RHOJ: variants seen among roughly 807,000 people sequenced by gnomAD.
RHOJ encodes ras homolog family member J.
In RHOJ, 11 loss-of-function variants were observed where a neutral mutation model predicts 23.4. That is an observed-to-expected ratio of 0.47 (90% CI 0.30 to 0.78). RHOJ has a LOEUF of 0.78. RHOJ is among the 30% of genes least tolerant of loss of function. RHOJ has a pLI of 0.08. For synonymous variants in RHOJ, 102 were observed against 102.7 expected (o/e 0.99, Z 0.04); for missense variants, 254 against 273.4 (o/e 0.93, Z 0.50).
chr14:63,207,781 A>G (rs753233244), intron 1 of RHOJ, among the ~76,000 whole-genome samples: 9 of 152,234 alleles, frequency 5.9e-5, no homozygotes, highest in Non-Finnish European at 1.3e-4. Context: ...TCTGTGCCTC[A>G]GTTATCACAA....
chr14:63,266,755 T>C (rs1895374337), intron 1 of RHOJ, among the ~76,000 whole-genome samples: 1 of 152,250 alleles, frequency 6.6e-6, no homozygotes, highest in South Asian at 2.1e-4. Context: ...TTGATTTTTA[T>C]ATCCTGAACC....
chr14:63,239,430 A>C (rs375839790), intron 1 of RHOJ, among the ~76,000 whole-genome samples: 3 of 152,236 alleles, frequency 2.0e-5, no homozygotes, highest in Admixed American at 6.5e-5. Context: ...ATTTTAAAGT[A>C]GGAATTGAAA....
chr14:63,241,704 G>A (rs1170834656), intron 1 of RHOJ, among the ~76,000 whole-genome samples: 1 of 152,160 alleles, frequency 6.6e-6, no homozygotes, highest in East Asian at 1.9e-4. Flanking sequence ...TCAGCCTAAG[G>A]CCTGCAGGGT....
chr14:63,243,124 A>G (rs1457167867), intron 1 of RHOJ, among the ~76,000 whole-genome samples: 5 of 152,224 alleles, frequency 3.3e-5, no homozygotes, highest in African/African-American at 1.2e-4. Context: ...AAAGGGAAAA[A>G]AGTGATAAAA....
At chr14:63,280,879 C>T (rs1881875471) in intron 2 of RHOJ, 92 bp from the exon 3 acceptor site, 6 of 1,206,892 alleles carry the variant, frequency 5.0e-6, no homozygotes, top group Non-Finnish European at 6.9e-6. Context: ...TCCCAGTGCG[C>T]TGTAGTGGAC....
chr14:63,279,386 A>G (rs1881828116), intron 2 of RHOJ, among the ~76,000 whole-genome samples: 1 of 152,234 alleles, frequency 6.6e-6, no homozygotes, highest in Non-Finnish European at 1.5e-5. Context: ...GCGATATGTG[A>G]TGTATATATA....
At chr14:63,214,110 T>A (rs1894299174) in intron 1 of RHOJ, among the ~76,000 whole-genome samples, 1 of 152,198 alleles carries the variant, frequency 6.6e-6, no homozygotes, top group Non-Finnish European at 1.5e-5. Context: ...TCCCTATTTA[T>A]TCCACTACAT....
intron 1 of RHOJ, among the ~76,000 whole-genome samples, chr14:63,239,972 T>G (rs1234650644): frequency 6.6e-6 from 1 of 152,222 alleles, no homozygotes; most frequent in Non-Finnish European, 1.5e-5. Context: ...TCACTATTTC[T>G]AATCCTCAGG....
intron 1 of RHOJ, among the ~76,000 whole-genome samples, chr14:63,268,736 A>G (rs1416610348): frequency 6.6e-6 from 1 of 152,200 alleles, no homozygotes; most frequent in Admixed American, 6.5e-5. Context: ...GTGCCCTGAA[A>G]GGTGTCTCAA....
chr14:63,251,149 T>G (rs1895063723), intron 1 of RHOJ, among the ~76,000 whole-genome samples: 1 of 152,222 alleles, frequency 6.6e-6, no homozygotes, highest in Admixed American at 6.5e-5. Flanking sequence ...CAAGGGGTTA[T>G]TTGTACAGTA....
At chr14:63,236,377 G>T (rs1894789637) in intron 1 of RHOJ, among the ~76,000 whole-genome samples, 1 of 152,160 alleles carries the variant, frequency 6.6e-6, no homozygotes, top group Admixed American at 6.6e-5. Context: ...AAAAGAAAGA[G>T]GTTTAATGGA....
At chr14:63,252,359 C>T (rs1009201272) in intron 1 of RHOJ, among the ~76,000 whole-genome samples, 18 of 152,178 alleles carry the variant, frequency 1.2e-4, no homozygotes, top group African/African-American at 4.3e-4. Flanking sequence ...AATTAGAGGT[C>T]TGTGGATAAG....
intron 1 of RHOJ, among the ~76,000 whole-genome samples, chr14:63,227,414 G>A (rs184446985): frequency 6.6e-6 from 1 of 152,174 alleles, no homozygotes; most frequent in African/African-American, 2.4e-5. Flanking sequence ...AAAACAATGT[G>A]AACAAATGGT....
chr14:63,226,158 C>T (rs1035046619), intron 1 of RHOJ, among the ~76,000 whole-genome samples: 3 of 152,044 alleles, frequency 2.0e-5, no homozygotes, highest in Non-Finnish European at 4.4e-5. Context: ...AAAAAATCAG[C>T]AACATTTATT....
At chr14:63,269,209 T>C in intron 2 of RHOJ, 41 bp downstream of exon 2, 4 of 1,458,932 alleles carry the variant, frequency 2.7e-6, no homozygotes, top group Non-Finnish European at 3.8e-6. Context: ...GGCGGTGGTG[T>C]AGGGGAGAAA....
chr14:63,282,613 G>A (rs953947584), intron 3 of RHOJ, among the ~76,000 whole-genome samples: 1 of 148,030 alleles, frequency 6.8e-6, no homozygotes, highest in Non-Finnish European at 1.5e-5. Context: ...CAGAACATTT[G>A]TTAGAATATC....
chr14:63,281,091 A>C lies in RHOJ; in HGVS notation c.358A>C (p.Lys120Gln). Residue 120 changes from lysine (K) to glutamine (Q), a missense_variant, in exon 3 of 5, where the codon AAG becomes CAG. Lys to Gln is a moderately conservative substitution (Grantham distance 53). Coordinates refer to ENST00000316754, the MANE Select transcript of RHOJ (RefSeq NM_020663.5). ...CCAGGAGGAATGGGTCCCCGAGCTC[A>C]AGGACTGCATGCCTCACGTGCCTTA... is the stretch of plus-strand genomic sequence containing the variant. ...NVQEEWVPEL[K>Q]DCMPHVPYVL... 6.2e-7 allele frequency: 1 copy of C among 1,614,056 alleles called. No homozygotes were observed. Among genetic ancestry groups the C allele is most frequent in the African/African-American group, 1.3e-5 (1 of 75,030 alleles).
chr14:63,236,949 C>A (rs987812586), intron 1 of RHOJ, among the ~76,000 whole-genome samples: 1 of 152,152 alleles, frequency 6.6e-6, no homozygotes. Context: ...GTTACTTATA[C>A]TTCATACAGT....
Position 63,290,990 on chromosome 14 carries a change from G to A in RHOJ, c.611G>A (p.Cys204Tyr), listed in dbSNP as rs746397768. ...IFHPKKKKKR[C>Y]SEGHSCCSII ...CACCCCAAGAAAAAGAAGAAACGCT[G>A]TTCTGAGGGTCACAGCTGCTGTTCA... The change falls in exon 5 of 5, where the codon TGT becomes TAT. Residue 204 changes from cysteine to tyrosine, a missense_variant. Physicochemically the swap from Cys to Tyr is radical, Grantham distance 194. Coordinates refer to ENST00000316754, the MANE Select transcript of RHOJ (RefSeq NM_020663.5). 1 of 1,614,166 alleles carries A rather than the reference G, an allele frequency of 6.2e-7. No homozygotes were observed. The highest frequency in any genetic ancestry group is 8.5e-7 in the Non-Finnish European group (1 of 1,180,020).
Sources: allele counts gnomAD v4.1 joint callset (sites outside exome capture counted in the v4.1 genomes callset), GRCh38; gene constraint gnomAD v4.1.1; transcripts MANE v1.5; gene names NCBI Gene and HGNC (gene_info 2026-07-23, HGNC 2026-07-21).